The following ADD2 variants were observed in gnomAD, a reference collection of about 807,000 sequenced individuals.
The protein encoded by ADD2 is adducin 2.
ADD2 carries 23 observed loss-of-function variants against 83.0 expected under a neutral mutation model. That is an observed-to-expected ratio of 0.28 (90% confidence interval 0.20 to 0.39). ADD2 has a LOEUF of 0.39. Ranked by LOEUF, ADD2 falls within the 10% of genes least tolerant of loss-of-function variation. The pLI is 1.00. For missense variants in ADD2, 758 were observed against 944.9 expected, an observed-to-expected ratio of 0.80 and a Z score of 2.59; for synonymous variants, 375 against 375.4, an observed-to-expected ratio of 1.00 and a Z score of 0.01.
intron 1 of ADD2, among the ~76,000 whole-genome samples, chr2:70,722,197 T>G (rs1228554729): frequency 1.3e-5 from 2 of 152,110 alleles, no homozygotes; most frequent in Non-Finnish European, 2.9e-5. Context: ...CAAGCCCAGG[T>G]GTTGATTTGA....
chr2:70,690,831 T>C lies in ADD2; in HGVS notation c.804A>G (p.Glu268=). ...ACTTCTGCAGGTTGATCCGATCGGC[T>C]TCCTGCTCCATTTCCCCATTGAAGT... ...YYDFNGEMEQ[E]ADRINLQKCL... is the part of the protein sequence containing the mutation. The change falls in exon 8 of 16, where the codon GAA becomes GAG. Residue 268 remains glutamate (E), a synonymous_variant. Transcript: ENST00000264436. The C allele has an allele frequency of 6.2e-7, 1 of 1,614,210 alleles. No homozygotes were observed. Among genetic ancestry groups the C allele is most frequent in the Non-Finnish European group, 8.5e-7 (1 of 1,180,050 alleles).
intron 9 of ADD2, chr2:70,687,138 C>G (rs1670776971): frequency 1.3e-5 from 2 of 152,310 alleles, no homozygotes; most frequent in Non-Finnish European, 2.9e-5. Flanking sequence ...CCGCTGGGCC[C>G]CACGTCTACA....
chr2:70,754,655 A>T (rs1674681302), intron 1 of ADD2, among the ~76,000 whole-genome samples: 1 of 152,018 alleles, frequency 6.6e-6, no homozygotes, highest in African/African-American at 2.4e-5. Context: ...CTACATGGTG[A>T]TCCACCCGAC....
chr2:70,672,343 C>G lies in ADD2; in HGVS notation c.1870+535G>C, dbSNP rs1553367216. Among the ~76,000 whole-genome samples the G allele has an allele frequency of 2.0e-5, 3 of 152,232 alleles. 1 individual carries two copies. Among genetic ancestry groups the G allele is most frequent in the African/African-American group, 7.2e-5 (3 of 41,464 alleles). On this transcript the variant is annotated intron_variant, in intron 15 of 15. Transcript: ENST00000264436. ...ACTCCAGGCTGTACTCCTAAACCCA[C>G]CTGACTCCAGACTTTTCTGAGTTTT...
chr2:70,694,924 C>A (rs1553372334), intron 6 of ADD2, among the ~76,000 whole-genome samples: 1 of 151,932 alleles, frequency 6.6e-6, no homozygotes, highest in Non-Finnish European at 1.5e-5. Flanking sequence ...TCTGTGGTCC[C>A]AACTCTGACT....
At chr2:70,689,833 T>C (rs1245760278) in intron 8 of ADD2, among the ~76,000 whole-genome samples, 1 of 152,216 alleles carries the variant, frequency 6.6e-6, no homozygotes, top group East Asian at 1.9e-4. Flanking sequence ...GATTCCATTT[T>C]TCTCTTGCAA....
chr2:70,752,433 TTATAAA>T (rs782629521), intron 1 of ADD2, among the ~76,000 whole-genome samples: 10 of 152,206 alleles, frequency 6.6e-5, no homozygotes, highest in African/African-American at 1.4e-4. Context: ...CTTTAAATAC[TTATAAA>T]TATAAATATA....
At chr2:70,669,857 GAGAGAGACAGAC>G (rs200726163) in intron 15 of ADD2, among the ~76,000 whole-genome samples, 12,755 of 152,206 alleles carry the variant, frequency 0.084, 560 homozygotes, top group Middle Eastern at 0.12. Context: ...CATAGAGGGA[GAGAGAGACAGAC>G]AGAGAGACAG....
chr2:70,722,565 C>T (rs1240958963), intron 1 of ADD2, among the ~76,000 whole-genome samples: 1 of 152,216 alleles, frequency 6.6e-6, no homozygotes, highest in Non-Finnish European at 1.5e-5. Flanking sequence ...CCCCTTGACA[C>T]CTGGATTCAG....
At chr2:70,726,141 C>G (rs1449126251) in intron 1 of ADD2, among the ~76,000 whole-genome samples, 1 of 145,232 alleles carries the variant, frequency 6.9e-6, no homozygotes, top group East Asian at 2.0e-4. Context: ...GAGCCAAGAT[C>G]CCGCCACGGC....
chr2:70,767,509 G>GGGGAGGGGA (rs1675459025), intron 1 of ADD2: 7 of 357,298 alleles, frequency 2.0e-5, no homozygotes, highest in Non-Finnish European at 2.9e-5. Context: ...AGGAAAGAGA[G>GGGGAGGGGA]GGGAGGGGAG....
chr2:70,718,362 T>G (rs1672574430), intron 1 of ADD2, among the ~76,000 whole-genome samples: 1 of 152,208 alleles, frequency 6.6e-6, no homozygotes, highest in African/African-American at 2.4e-5. Context: ...GACATGGCCC[T>G]GCCTGCTAGA....
chr2:70,728,758 A>C (rs1183011107), intron 1 of ADD2, among the ~76,000 whole-genome samples: 1 of 152,112 alleles, frequency 6.6e-6, no homozygotes, highest in African/African-American at 2.4e-5. Context: ...TTCCACCCAC[A>C]AGCATAAGCC....
chr2:70,688,568 G>T (rs1249557930), intron 8 of ADD2, among the ~76,000 whole-genome samples: 1 of 152,198 alleles, frequency 6.6e-6, no homozygotes, highest in Non-Finnish European at 1.5e-5. Context: ...CACCTCAATA[G>T]CAATCTCTTG....
intron 1 of ADD2, 157 bp downstream of exon 1, chr2:70,767,729 A>G (rs1448248147): frequency 7.0e-7 from 1 of 1,430,450 alleles, no homozygotes; most frequent in Non-Finnish European, 9.1e-7. Context: ...CGCAAAACAC[A>G]CCGCTGCCGG....
At chr2:70,724,177 T>A (rs1672868650) in intron 1 of ADD2, among the ~76,000 whole-genome samples, 2 of 152,318 alleles carry the variant, frequency 1.3e-5, no homozygotes, top group South Asian at 2.1e-4. Flanking sequence ...TCAATATACA[T>A]ACTTTCAAGT....
At chr2:70,672,211 T>A (rs1207325417) in intron 15 of ADD2, among the ~76,000 whole-genome samples, 4 of 152,238 alleles carry the variant, frequency 2.6e-5, no homozygotes, top group African/African-American at 9.6e-5. Context: ...TTATTACTAG[T>A]TAGCAGTTCA....
Position 70,662,769 on chromosome 2 carries a change from C to T in ADD2, c.*656G>A, listed in dbSNP as rs1558513277. On this transcript the variant is annotated 3_prime_UTR_variant, in exon 16 of 16. Coordinates refer to ENST00000264436, the MANE Select transcript of ADD2 (RefSeq NM_001617.4). ...CTTACATGGCTTGCCCCTATGCCTA[C>T]CACCTCTTATAGCTCTTCCATCCAT... 3 of 152,348 alleles carry T rather than the reference C, an allele frequency of 2.0e-5. No homozygotes were observed. Among genetic ancestry groups the T allele is most frequent in the South Asian group, 2.1e-4 (1 of 4,828 alleles). The allele number at this position is 152,348 out of a possible 1,614,324, so 9.4% of individuals were successfully genotyped here.
At chr2:70,679,740 C>T (rs1437112401) in intron 10 of ADD2, among the ~76,000 whole-genome samples, 2 of 151,788 alleles carry the variant, frequency 1.3e-5, no homozygotes, top group African/African-American at 4.8e-5. Flanking sequence ...AAACTCTCAC[C>T]CCAGAGACAA....
Sources: allele counts gnomAD v4.1 joint callset (sites outside exome capture counted in the v4.1 genomes callset), GRCh38; gene constraint gnomAD v4.1.1; transcripts MANE v1.5; gene names NCBI Gene and HGNC (gene_info 2026-07-23, HGNC 2026-07-21).